The following PHLPP1 variants were observed in gnomAD, a reference collection of about 807,000 sequenced individuals.
The protein encoded by PHLPP1 is PH domain and leucine rich repeat protein phosphatase 1.
PHLPP1 carries 42 observed loss-of-function variants against 117.2 expected under a neutral mutation model. That is an observed-to-expected ratio of 0.36 (90% confidence interval 0.28 to 0.46). PHLPP1 has a LOEUF of 0.46. Among genes scored for constraint, PHLPP1 ranks in the 20% least tolerant of loss-of-function variants. The probability of loss-of-function intolerance (pLI) is 1.00; values close to 1 mark genes in which losing one functional copy is unlikely to be tolerated. For synonymous variants in PHLPP1, 1,042 were observed against 970.7 expected, an observed-to-expected ratio of 1.07 and a Z score of -1.37; for missense variants, 2,084 against 2,241.9, an observed-to-expected ratio of 0.93 and a Z score of 1.42.
rs1308018838 is a variant in PHLPP1, at chr18:62,716,364, C to T, written c.681C>T (p.Ala227=). The T allele has an allele frequency of 6.7e-7, 1 of 1,488,496 alleles. No individual in the cohort carries two copies. The highest frequency in any genetic ancestry group is 8.9e-7 in the Non-Finnish European group (1 of 1,124,222). 92.2% of individuals were successfully genotyped at this position (1,488,496 alleles called of 1,614,324 possible). A position where few individuals can be genotyped will look rare whatever the true frequency, so the allele number is the denominator to read the frequency against. Residue 227 remains alanine, a synonymous_variant, in exon 1 of 17, where the codon GCC becomes GCT. Coordinates refer to ENST00000262719, the MANE Select transcript of PHLPP1 (RefSeq NM_194449.4). The surrounding 1 kb of genome is among the most constrained non-coding windows in gnomAD (Gnocchi z 5.7). ...TGCTCTGCACACTGGACACCACGGC[C>T]GGCGAGGTGGCCGCCCGCCTGCTGC... ...RPVLCTLDTT[A]GEVAARLLQL...
intron 6 of PHLPP1, among the ~76,000 whole-genome samples, chr18:62,897,469 T>A (rs1296755375): frequency 6.6e-6 from 1 of 152,184 alleles, no homozygotes; most frequent in African/African-American, 2.4e-5. Context: ...TTTGTTCTAA[T>A]TCTGCCTTAA....
intron 1 of PHLPP1, among the ~76,000 whole-genome samples, chr18:62,759,938 G>T (rs1912159723): frequency 6.6e-6 from 1 of 152,150 alleles, no homozygotes; most frequent in Non-Finnish European, 1.5e-5. Flanking sequence ...GGCTTAAATG[G>T]ATATGATTCA....
At chr18:62,793,200 T>C (rs1310228673) in intron 1 of PHLPP1, among the ~76,000 whole-genome samples, 1 of 152,028 alleles carries the variant, frequency 6.6e-6, no homozygotes, top group South Asian at 2.1e-4. Flanking sequence ...AAACAAAACC[T>C]GTATAAAGCT....
At chr18:62,945,469 A>G (rs1396761725) in intron 12 of PHLPP1, among the ~76,000 whole-genome samples, 198 bp downstream of exon 12, 1 of 152,180 alleles carries the variant, frequency 6.6e-6, no homozygotes, top group African/African-American at 2.4e-5. Flanking sequence ...AAAACACTGG[A>G]GCAGGTTTTG....
rs1410327985 is a variant in PHLPP1, at chr18:62,905,607, A to G, written c.2708+323A>G. On this transcript the variant is annotated intron_variant, in intron 8 of 16. Transcript: ENST00000262719. ...TATTTTTTTGTCTTTCCCTGAAGTA[A>G]TGTTAATTTTATTTTTTATTTTCAA... Among the ~76,000 whole-genome samples the G allele has an allele frequency of 1.3e-5, 2 of 152,114 alleles. 1 individual carries two copies. The highest frequency in any genetic ancestry group is 6.3e-3 in the Middle Eastern group (2 of 316).
rs1914935570 is a variant in PHLPP1 at position 62,837,412 on chromosome 18, G to A, written c.1774-1372G>A. On this transcript the variant is annotated intron_variant, in intron 2 of 16. Coordinates refer to ENST00000262719, the MANE Select transcript of PHLPP1 (RefSeq NM_194449.4). ...CTTCTTAATCTCTGGCGAATCTGTA[G>A]CTGTGTCTCCCTTTTTATTGTTAAT... is the stretch of plus-strand genomic sequence containing the variant. Among the ~76,000 whole-genome samples the A allele has an allele frequency of 3.3e-5, 5 of 152,160 alleles. No individual in the cohort carries two copies. In the South Asian group the frequency reaches 1.0e-3, roughly 32 times the overall value.
chr18:62,865,736 A>G (rs868601904), intron 4 of PHLPP1, among the ~76,000 whole-genome samples: 1 of 152,234 alleles, frequency 6.6e-6, no homozygotes, highest in Non-Finnish European at 1.5e-5. Flanking sequence ...TTTCAGGGAC[A>G]TGGATGGAGC....
At chr18:62,724,390 C>T (rs1176257228) in intron 1 of PHLPP1, among the ~76,000 whole-genome samples, 1 of 152,140 alleles carries the variant, frequency 6.6e-6, no homozygotes, top group East Asian at 1.9e-4. Flanking sequence ...GGAGAAAAAA[C>T]ATTTTAAGAA....
chr18:62,846,783 C>T (rs185664022), intron 3 of PHLPP1, among the ~76,000 whole-genome samples: 276 of 152,196 alleles, frequency 1.8e-3, no homozygotes, highest in African/African-American at 6.5e-3. Flanking sequence ...GAGAAGGTAA[C>T]ATTTTGGATT....
intron 8 of PHLPP1, among the ~76,000 whole-genome samples, chr18:62,905,709 C>T (rs563207007): frequency 1.6e-4 from 25 of 151,816 alleles, no homozygotes; most frequent in Non-Finnish European, 3.2e-4. Flanking sequence ...TTTCTTACAC[C>T]CCTTGTTTAG....
chr18:62,916,605 G>GGGGGGTGTGTGTGTGTGT (rs1555681660), intron 9 of PHLPP1, among the ~76,000 whole-genome samples: 11 of 145,846 alleles, frequency 7.5e-5, no homozygotes, highest in South Asian at 4.4e-4. Context: ...CAAGAGGGTG[G>GGGGGGTGTGTGTGTGTGT]GTGTGTGTGT....
intron 1 of PHLPP1, among the ~76,000 whole-genome samples, chr18:62,815,163 C>CT (rs397858926): frequency 0.047 from 6,491 of 136,824 alleles, 183 homozygotes; most frequent in African/African-American, 0.071. Context: ...TTTTTTTCCT[C>CT]TTTTTTTTTT....
chr18:62,955,662 T>C (rs573054048), intron 12 of PHLPP1, among the ~76,000 whole-genome samples: 11 of 152,202 alleles, frequency 7.2e-5, no homozygotes, highest in Non-Finnish European at 1.3e-4. Context: ...AGTAATTAGT[T>C]ACCCTACTGA....
At chr18:62,935,499 T>C (rs1354830192) in intron 10 of PHLPP1, among the ~76,000 whole-genome samples, 2 of 152,240 alleles carry the variant, frequency 1.3e-5, no homozygotes, top group South Asian at 2.1e-4. Flanking sequence ...AATGCTTTTA[T>C]GATCAAGTTA....
intron 13 of PHLPP1, among the ~76,000 whole-genome samples, chr18:62,959,325 C>G (rs1422305525): frequency 1.3e-5 from 2 of 152,114 alleles, no homozygotes; most frequent in African/African-American, 4.8e-5. Flanking sequence ...ATATTGCTAA[C>G]TCAAAAGATC....
At chr18:62,936,127 C>A (rs1909960447) in intron 10 of PHLPP1, among the ~76,000 whole-genome samples, 2 of 151,990 alleles carry the variant, frequency 1.3e-5, no homozygotes, top group Admixed American at 6.6e-5. Context: ...CAAGATGAGC[C>A]CAAAAGTAAA....
chr18:62,736,206 C>A (rs2122066790), intron 1 of PHLPP1, among the ~76,000 whole-genome samples: 2 of 152,244 alleles, frequency 1.3e-5, no homozygotes, highest in African/African-American at 4.8e-5. Context: ...GTCTGTGGAC[C>A]AGCACCATCA....
At chr18:62,870,203 T>C (rs911306722) in intron 4 of PHLPP1, among the ~76,000 whole-genome samples, 17 of 152,190 alleles carry the variant, frequency 1.1e-4, no homozygotes, top group African/African-American at 4.1e-4. Flanking sequence ...GCCACCAGTT[T>C]CTCTTTCATT....
Position 62,872,242 on chromosome 18 carries a change from T to C in PHLPP1, c.2066+11641T>C, listed in dbSNP as rs1325884973. Among the ~76,000 whole-genome samples, 6 of 152,202 alleles carry C rather than the reference T, an allele frequency of 3.9e-5. No homozygotes were observed. The East Asian group carries it at 1.2e-3, about 29-fold the overall frequency. On this transcript the variant is annotated intron_variant, in intron 4 of 16. Transcript: ENST00000262719. ...AAATTGTGGAAAAGTAAGTCAAATA[T>C]ATGGGGAGACCAAAGGAAGATGAGT...
Sources: gnomAD v4.1 joint callset for allele counts (sites outside exome capture counted in the v4.1 genomes callset) on GRCh38, gnomAD v4.1.1 for gene constraint, Gnocchi (gnomAD v3.1) non-coding constraint, MANE v1.5 for transcripts, NCBI Gene and HGNC (gene_info 2026-07-23, HGNC 2026-07-21) for gene names.